GSE1: variants seen among roughly 807,000 people sequenced by gnomAD.
GSE1 encodes genetic suppressor element 1.
A neutral mutation model predicts 112.6 loss-of-function variants in GSE1; 32 were observed. That is an observed-to-expected ratio of 0.28 (90% CI 0.21 to 0.38). The LOEUF (loss-of-function observed/expected upper bound fraction) is 0.38. Among genes scored for constraint, GSE1 ranks in the 10% least tolerant of loss-of-function variants. The pLI, the probability that GSE1 is intolerant of heterozygous loss-of-function variation, is 1.00. For missense variants in GSE1, 2,348 were observed against 1,699.2 expected (o/e 1.38, Z -6.71); for synonymous variants, 1,115 against 735.6 (o/e 1.52, Z -8.35).
intron 2 of GSE1, among the ~76,000 whole-genome samples, chr16:85,423,715 C>T (rs1444339120): frequency 7.5e-6 from 1 of 133,630 alleles, no homozygotes; most frequent in Non-Finnish European, 1.8e-5. Context: ...CCGTGGCAAG[C>T]GTGTATCCCT....
chr16:85,384,669 C>G (rs552748171), intron 2 of GSE1, among the ~76,000 whole-genome samples: 1 of 152,184 alleles, frequency 6.6e-6, no homozygotes, highest in African/African-American at 2.4e-5. Flanking sequence ...CACGGCCAGG[C>G]GTGTGGGTGG....
chr16:85,508,676 C>T (rs764207802), intron 2 of GSE1, among the ~76,000 whole-genome samples: 2 of 152,206 alleles, frequency 1.3e-5, no homozygotes, highest in Non-Finnish European at 1.5e-5. Flanking sequence ...GATACAGCCT[C>T]GGAGGGGAGG....
intron 1 of GSE1, among the ~76,000 whole-genome samples, chr16:85,292,793 G>A (rs2045260535): frequency 6.6e-6 from 1 of 152,180 alleles, no homozygotes; most frequent in Admixed American, 6.5e-5. Context: ...CAGTTCGGGG[G>A]CATTTCACAC....
At chr16:85,282,875 G>A (rs1278842834) in intron 1 of GSE1, 1 of 152,216 alleles carries the variant, frequency 6.6e-6, no homozygotes, top group Non-Finnish European at 1.5e-5. Flanking sequence ...CATCACTGAT[G>A]ATCTTTTACA....
In GSE1 at chr16:85,603,420, C is replaced by T. The variant is rs560848517; in HGVS notation, c.38-45132C>T. On this transcript the variant is annotated intron_variant, in intron 1 of 2. Transcript: ENST00000635906. ...AAGGGAGTTTCCAGGGGATGCTTCT[C>T]TTCTTGAGGCTTCTCTGGAAACTAC... Among the ~76,000 whole-genome samples the T allele has an allele frequency of 4.5e-4, 68 of 152,368 alleles. 1 individual carries two copies. The South Asian group carries it at 0.014, about 31-fold the overall frequency.
In GSE1 at chr16:85,493,744, C is replaced by T. The variant is rs141958684; in HGVS notation, c.2464+136101C>T. 3.1e-3 allele frequency among the ~76,000 whole-genome samples: 428 copies of T among 138,996 alleles called. 2 individuals are homozygous for T. Among genetic ancestry groups the T allele is most frequent in the African/African-American group, 0.011 (408 of 36,932 alleles). 91.2% of individuals were successfully genotyped at this position (138,996 alleles called of 152,430 possible). A position where few individuals can be genotyped will look rare whatever the true frequency, so the allele number is the denominator to read the frequency against. On this transcript the variant is annotated intron_variant, in intron 2 of 2. Coordinates refer to the GSE1 transcript ENST00000637419. ...GGTAGAGGTTGTGGTAAGCCGAGAT[C>T]ATGCCATTGCACTCTAGCCTGGGCA...
At chr16:85,432,993 C>T (rs938015165) in intron 2 of GSE1, among the ~76,000 whole-genome samples, 4 of 151,936 alleles carry the variant, frequency 2.6e-5, no homozygotes, top group Admixed American at 2.0e-4. Context: ...GGAAGAGCCC[C>T]GTTTTTATCT....
intron 2 of GSE1, among the ~76,000 whole-genome samples, chr16:85,390,922 A>G (rs1010992490): frequency 6.6e-6 from 1 of 152,234 alleles, no homozygotes; most frequent in Non-Finnish European, 1.5e-5. Flanking sequence ...AGCTCTGGGC[A>G]GGGCTGAGCA....
chr16:85,420,413 C>T (rs1195234779), intron 2 of GSE1, among the ~76,000 whole-genome samples: 1 of 152,144 alleles, frequency 6.6e-6, no homozygotes, highest in Admixed American at 6.5e-5. Flanking sequence ...GGAAAGCTAA[C>T]ACAGGATCAG....
intron 2 of GSE1, among the ~76,000 whole-genome samples, chr16:85,379,187 G>A (rs2047490572): frequency 6.6e-6 from 1 of 152,188 alleles, no homozygotes; most frequent in Non-Finnish European, 1.5e-5. Flanking sequence ...CTGGGCCTCA[G>A]CACCCTCCTC....
chr16:85,305,065 C>A (rs980207072), intron 1 of GSE1, among the ~76,000 whole-genome samples: 2 of 152,194 alleles, frequency 1.3e-5, no homozygotes, highest in African/African-American at 4.8e-5. Context: ...CCTCCCATTC[C>A]CCTAGGGCAC....
chr16:85,184,262 G>T (rs2074654629), intron 1 of GSE1, among the ~76,000 whole-genome samples: 1 of 152,200 alleles, frequency 6.6e-6, no homozygotes, highest in African/African-American at 2.4e-5. Context: ...CCTTGTCTCA[G>T]AACCAATGCC....
chr16:85,580,619 T>A (rs2046409034), intron 1 of GSE1, among the ~76,000 whole-genome samples: 1 of 152,218 alleles, frequency 6.6e-6, no homozygotes. Flanking sequence ...TTGGTATCCT[T>A]GTCACAGGCT....
At chr16:85,355,025 G>A (rs1193936562) in intron 1 of GSE1, among the ~76,000 whole-genome samples, 11 of 152,184 alleles carry the variant, frequency 7.2e-5, no homozygotes, top group South Asian at 4.1e-4. Context: ...CTAAGCCGCC[G>A]GCATGCCTGT....
In GSE1 at chr16:85,220,163, C is replaced by G. The variant is rs563549796; in HGVS notation, c.2283+48356C>G. ...CGGGGAAATCCCAAAACATTTTCCC[C>G]TCTGGGCCAGAAGCAGCTCGGCGTT... On this transcript the variant is annotated intron_variant, in intron 1 of 2. Transcript: ENST00000637419. 2.6e-5 allele frequency among the ~76,000 whole-genome samples: 4 copies of G among 152,356 alleles called. No homozygotes were observed. In the East Asian group the frequency reaches 7.7e-4, roughly 29 times the overall value.
At chr16:85,512,824 G>C (rs2051793671) in intron 2 of GSE1, among the ~76,000 whole-genome samples, 1 of 152,110 alleles carries the variant, frequency 6.6e-6, no homozygotes, top group Non-Finnish European at 1.5e-5. Flanking sequence ...GTCGGGTATA[G>C]GGGGACCCCA....
At chr16:85,626,817 C>G (rs1230750565) in intron 1 of GSE1, among the ~76,000 whole-genome samples, 3 of 152,048 alleles carry the variant, frequency 2.0e-5, no homozygotes, top group East Asian at 1.9e-4. Context: ...ATAAGCCCCT[C>G]CAGCCTCGTG....
chr16:85,352,700 T>G (rs2046875670), intron 1 of GSE1, among the ~76,000 whole-genome samples: 1 of 152,232 alleles, frequency 6.6e-6, no homozygotes, highest in African/African-American at 2.4e-5. Context: ...TGTCTCCACC[T>G]TCAAGATGGT....
chr16:85,258,682 G>T (rs1279779424), intron 1 of GSE1, among the ~76,000 whole-genome samples: 1 of 152,120 alleles, frequency 6.6e-6, no homozygotes, highest in African/African-American at 2.4e-5. Flanking sequence ...GGCCTGGAGG[G>T]GTTCCCAGAT....
Sources: allele counts gnomAD v4.1 joint callset (sites outside exome capture counted in the v4.1 genomes callset), GRCh38; gene constraint gnomAD v4.1.1; transcripts MANE v1.5; gene names NCBI Gene and HGNC (gene_info 2026-07-23, HGNC 2026-07-21).